Variants in RACGAP1 observed in about 807,000 individuals in gnomAD.
RACGAP1 encodes the protein Rac GTPase activating protein 1, also known as rac GTPase-activating protein 1.
RACGAP1 carries 30 observed loss-of-function variants against 78.1 expected under a neutral mutation model. The observed-to-expected ratio is 0.38, with a 90% CI of 0.29 to 0.52. RACGAP1 has a LOEUF of 0.52. Among genes scored for constraint, RACGAP1 ranks in the 20% least tolerant of loss-of-function variants. RACGAP1 has a pLI of 0.82. For missense variants in RACGAP1, 587 were observed against 777.1 expected, an observed-to-expected ratio of 0.76 and a Z score of 2.91; for synonymous variants, 231 against 264.8, an observed-to-expected ratio of 0.87 and a Z score of 1.24.
At chr12:50,000,705 T>C (rs965359375) in intron 7 of RACGAP1, among the ~76,000 whole-genome samples, 2 of 152,180 alleles carry the variant, frequency 1.3e-5, no homozygotes, top group African/African-American at 4.8e-5. Context: ...AGTTGTTTAC[T>C]ACATCAGAGT....
rs749103495 is a variant in RACGAP1 at position 49,999,313 on chromosome 12, T to C, written c.749-42A>G. On this transcript the variant is annotated intron_variant, in intron 8 of 16. Transcript: ENST00000312377. ...TTTTAAGCTTTGTGTCTTAAGTATT[T>C]TGCTCCTTCTAAATTTTAGCTCCAA... 81 of 1,569,578 alleles carry C rather than the reference T, an allele frequency of 5.2e-5. No homozygotes were observed. In the Middle Eastern group the frequency reaches 1.2e-3, roughly 24 times the overall value.
intron 2 of RACGAP1, among the ~76,000 whole-genome samples, chr12:50,010,764 C>G (rs557119636): frequency 6.7e-6 from 1 of 150,356 alleles, no homozygotes; most frequent in Admixed American, 6.6e-5. Context: ...GAAACCCCAC[C>G]TCTACTAAAA....
At chr12:50,004,390 A>G in intron 4 of RACGAP1, 86 bp from the exon 5 acceptor site, 1 of 1,489,564 alleles carries the variant, frequency 6.7e-7, no homozygotes. Flanking sequence ...CCTACTGGTC[A>G]GGTAACATCA....
At chr12:49,994,549 T>C (rs1176335481) in intron 10 of RACGAP1, 40 bp from the exon 11 acceptor site, 5 of 1,595,656 alleles carry the variant, frequency 3.1e-6, no homozygotes, top group South Asian at 2.3e-5. Context: ...ATTTACGCCA[T>C]GTAGACCAAC....
chr12:50,018,406 T>C (rs917922187), intron 1 of RACGAP1: 3 of 622,130 alleles, frequency 4.8e-6, no homozygotes, highest in Non-Finnish European at 7.4e-6. Context: ...ACAAAGATCT[T>C]TCTCTAAACT....
upstream of RACGAP1, among the ~76,000 whole-genome samples, chr12:50,028,728 T>C (rs955120302): frequency 6.6e-6 from 1 of 151,552 alleles, no homozygotes; most frequent in African/African-American, 2.4e-5. Flanking sequence ...GCTGAGATCA[T>C]GCCATTGCAC....
chr12:50,004,966 T>C (rs1326806490), intron 4 of RACGAP1, among the ~76,000 whole-genome samples: 2 of 152,344 alleles, frequency 1.3e-5, no homozygotes, highest in East Asian at 3.9e-4. Flanking sequence ...CTTTCACCTT[T>C]GGGTTTCTTA....
At chr12:50,020,312 G>A (rs952417206) in intron 1 of RACGAP1, among the ~76,000 whole-genome samples, 1 of 150,678 alleles carries the variant, frequency 6.6e-6, no homozygotes, top group Admixed American at 6.7e-5. Flanking sequence ...CGAGTAGCTG[G>A]GATTACAGGT....
intron 6 of RACGAP1, 113 bp downstream of exon 6, chr12:50,002,134 G>A (rs893585295): frequency 1.5e-6 from 1 of 650,514 alleles, no homozygotes; most frequent in Admixed American, 2.5e-5. Context: ...TCTGTAGTAT[G>A]TGCTTAACAA....
intron 1 of RACGAP1, chr12:50,018,612 T>C: frequency 8.1e-7 from 1 of 1,228,430 alleles, no homozygotes; most frequent in Non-Finnish European, 1.1e-6. Flanking sequence ...TGGAAGACTC[T>C]AATCAGTAGT....
upstream of RACGAP1, chr12:50,025,505 C>A (rs546187908): frequency 4.4e-4 from 436 of 985,558 alleles, no homozygotes; most frequent in Admixed American, 4.9e-4. Context: ...CTTCACCAAC[C>A]AATCACAGAG....
intron 2 of RACGAP1, among the ~76,000 whole-genome samples, chr12:50,015,538 A>G (rs1333114926): frequency 6.6e-6 from 1 of 152,170 alleles, no homozygotes; most frequent in African/African-American, 2.4e-5. Flanking sequence ...GCAGTGGCTC[A>G]CGCCTGTAAT....
At position 50,006,576 on chromosome 12, in the gene RACGAP1, T is replaced by C. The variant is rs142606296; in HGVS notation, c.146A>G (p.His49Arg). ...DFRKKWQRTDHELGKYKDLLM... is the reference protein window; with the variant it reads ...DFRKKWQRTDRELGKYKDLLM... ...AAGATCCTTGTATTTCCCCAGCTCA[T>C]GGTCAGTCCTCTGCCACTTTTTACG... The change falls in exon 3 of 17, where the codon CAT becomes CGT. Residue 49 changes from histidine (H) to arginine (R), a missense_variant. Physicochemically the swap from His to Arg is conservative, Grantham distance 29. Transcript: ENST00000312377. 3.8e-5 allele frequency: 62 copies of C among 1,614,096 alleles called. No homozygotes were observed. The African/African-American group carries it at 8.0e-4, about 21-fold the overall frequency.
chr12:50,031,912 G>C (rs1385476857), intron 1 of RACGAP1: 1 of 232,352 alleles, frequency 4.3e-6, no homozygotes, highest in Non-Finnish European at 7.1e-6. Context: ...ACTTTGGGAG[G>C]CCAAGGAGGG....
At chr12:50,027,633 C>G (rs1428588166), upstream of RACGAP1, among the ~76,000 whole-genome samples, 1 of 152,132 alleles carries the variant, frequency 6.6e-6, no homozygotes, top group African/African-American at 2.4e-5. Flanking sequence ...CGAGACCAGC[C>G]TGGCCAACAT....
chr12:49,997,023 G>A lies in RACGAP1; in HGVS notation c.1044+17C>T. 1.4e-6 allele frequency: 2 copies of A among 1,446,558 alleles called. No individual in the cohort carries two copies. Among genetic ancestry groups the A allele is most frequent in the Non-Finnish European group, 1.8e-6 (2 of 1,086,450 alleles). The allele number at this position is 1,446,558 out of a possible 1,614,324, so 89.6% of individuals were successfully genotyped here. ...ATAAAGAGGCCATAAAACAATGACG[G>A]CTTGCATAAGTCATACCTCTCCAAT... On this transcript the variant is annotated intron_variant, in intron 10 of 16. Coordinates refer to ENST00000312377, the MANE Select transcript of RACGAP1 (RefSeq NM_001319999.2).
rs377066000 is a variant in RACGAP1, at chr12:50,032,110, C to A, written c.-194-243G>T. Among the ~76,000 whole-genome samples, 15 of 152,078 alleles carry A rather than the reference C, an allele frequency of 9.9e-5. No homozygotes were observed. In the East Asian group the frequency reaches 2.7e-3, roughly 27 times the overall value. ...GCAGTGAGCCAAGATTGTGTCACAG[C>A]ACTCCAGCCTGGGTGACACAGCGAG... On this transcript the variant is annotated intron_variant, in intron 1 of 3. Coordinates refer to the RACGAP1 transcript ENST00000548247.
In RACGAP1 at chr12:49,994,520, AAAAG is replaced by A. The variant is rs1172149437; in HGVS notation, c.1045-15_1045-12del. On this transcript the variant is annotated splice_polypyrimidine_tract_variant and intron_variant, in intron 10 of 16. Coordinates refer to ENST00000312377, the MANE Select transcript of RACGAP1 (RefSeq NM_001319999.2). ...GTCTGCCAGCATTCCCTGGAAAAAA[AAAAG>A]AGCTTTAAATTATTATTTACGCCAT... 1 of 1,608,712 alleles carries A rather than the reference AAAAG, an allele frequency of 6.2e-7. No homozygotes were observed. The highest frequency in any genetic ancestry group is 1.3e-5 in the African/African-American group (1 of 74,520).
rs1326377004 is a variant in RACGAP1 at position 50,005,400 on chromosome 12, C to A, written c.289-8G>T. On this transcript the variant is annotated splice_polypyrimidine_tract_variant and splice_region_variant and intron_variant, in intron 3 of 16. Coordinates refer to ENST00000312377, the MANE Select transcript of RACGAP1 (RefSeq NM_001319999.2). The stretch of plus-strand genomic sequence containing the variant: ...CAGCTGAATCTGTCGTTCCTACAGA[C>A]CAAAGCAAAGTAAAACATCATAACT... The A allele has an allele frequency of 6.2e-7, 1 of 1,613,854 alleles. No individual in the cohort carries two copies. The highest frequency in any genetic ancestry group is 1.7e-5 in the Admixed American group (1 of 60,014).
Sources: allele counts gnomAD v4.1 joint callset (sites outside exome capture counted in the v4.1 genomes callset), GRCh38; gene constraint gnomAD v4.1.1; transcripts MANE v1.5; gene names NCBI Gene and HGNC (gene_info 2026-07-23, HGNC 2026-07-21).